SORCS2: variants seen among roughly 807,000 people sequenced by gnomAD.
SORCS2 encodes sortilin related VPS10 domain containing receptor 2.
SORCS2 carries 100 observed loss-of-function variants against 141.6 expected under a neutral mutation model. That is an observed-to-expected ratio of 0.71 (90% CI 0.60 to 0.83). The LOEUF (loss-of-function observed/expected upper bound fraction) is 0.83. Among genes scored for constraint, SORCS2 ranks in the 40% least tolerant of loss-of-function variants. SORCS2 has a pLI of 0.00. For synonymous variants in SORCS2, 789 were observed against 676.9 expected (o/e 1.17, Z -2.57); for missense variants, 1,646 against 1,560.2 (o/e 1.05, Z -0.93).
chr4:7,306,762 C>T (rs890452462), intron 1 of SORCS2, among the ~76,000 whole-genome samples: 3 of 152,100 alleles, frequency 2.0e-5, no homozygotes, highest in Admixed American at 6.5e-5. Flanking sequence ...CGTGCAGAGT[C>T]GCCTGGAGGC....
intron 1 of SORCS2, among the ~76,000 whole-genome samples, chr4:7,388,160 A>C (rs1577485130): frequency 6.7e-6 from 1 of 148,372 alleles, no homozygotes; most frequent in Non-Finnish European, 1.5e-5. Context: ...AGATGCCCCC[A>C]CACCTGAAGC....
At chr4:7,453,166 T>C (rs1728595836) in intron 2 of SORCS2, among the ~76,000 whole-genome samples, 1 of 116,472 alleles carries the variant, frequency 8.6e-6, no homozygotes, top group African/African-American at 3.4e-5. Context: ...GGTGCTGTGT[T>C]GGGGTCAGGC....
intron 4 of SORCS2, among the ~76,000 whole-genome samples, chr4:7,640,051 G>A (rs574263476): frequency 1.3e-5 from 1 of 75,322 alleles, no homozygotes; most frequent in African/African-American, 3.6e-5. Flanking sequence ...GTGTGAGAGT[G>A]TGAGTGTGTG....
At chr4:7,410,722 C>G (rs1198518858) in intron 2 of SORCS2, among the ~76,000 whole-genome samples, 1 of 152,096 alleles carries the variant, frequency 6.6e-6, no homozygotes, top group East Asian at 1.9e-4. Flanking sequence ...AGAGTCACAG[C>G]AGATAGGGAT....
chr4:7,609,405 G>A (rs911981980), intron 3 of SORCS2, among the ~76,000 whole-genome samples: 2 of 152,264 alleles, frequency 1.3e-5, no homozygotes, highest in Admixed American at 1.3e-4. Flanking sequence ...TGGCAGTCAA[G>A]GCGCCTCTAT....
At chr4:7,252,135 T>C (rs577840598) in intron 1 of SORCS2, among the ~76,000 whole-genome samples, 2 of 152,334 alleles carry the variant, frequency 1.3e-5, no homozygotes, top group East Asian at 3.9e-4. Flanking sequence ...GCCTGAGTCA[T>C]GTTGCAGAGC....
chr4:7,229,117 G>C (rs1410113017), intron 1 of SORCS2, among the ~76,000 whole-genome samples: 1 of 152,192 alleles, frequency 6.6e-6, no homozygotes, highest in East Asian at 1.9e-4. Context: ...GGGTCTGCCT[G>C]TGAGGGTGTC....
intron 2 of SORCS2, among the ~76,000 whole-genome samples, chr4:7,509,043 A>G (rs1279772931): frequency 1.3e-5 from 2 of 152,184 alleles, no homozygotes; most frequent in Non-Finnish European, 2.9e-5. Flanking sequence ...TTTCGTGGGT[A>G]ACCATTCATC....
At chr4:7,245,676 C>T (rs1050970106) in intron 1 of SORCS2, among the ~76,000 whole-genome samples, 2 of 152,144 alleles carry the variant, frequency 1.3e-5, no homozygotes, top group African/African-American at 4.8e-5. Context: ...GTTATGGTCG[C>T]CCCCAGCTCC....
chr4:7,514,780 G>A (rs996837520), intron 2 of SORCS2, among the ~76,000 whole-genome samples: 2 of 152,146 alleles, frequency 1.3e-5, no homozygotes, highest in African/African-American at 2.4e-5. Flanking sequence ...GGTCAGTCAC[G>A]TAGGCCCATG....
At chr4:7,425,538 G>T (rs1351847175) in intron 2 of SORCS2, among the ~76,000 whole-genome samples, 2 of 152,172 alleles carry the variant, frequency 1.3e-5, no homozygotes, top group African/African-American at 4.8e-5. Flanking sequence ...TGGATTAGAA[G>T]CCCGACACCT....
At chr4:7,541,859 A>C (rs1234306776) in intron 3 of SORCS2, among the ~76,000 whole-genome samples, 1 of 152,212 alleles carries the variant, frequency 6.6e-6, no homozygotes, top group Non-Finnish European at 1.5e-5. Context: ...ACCAACAGGA[A>C]AGCCGGAGTC....
rs76351807 is a variant in SORCS2, at chr4:7,548,167, A to G, written c.648+16538A>G. Among the ~76,000 whole-genome samples, 932 of 152,318 alleles carry G rather than the reference A, an allele frequency of 6.1e-3. 10 individuals carry two copies. Among genetic ancestry groups the G allele is most frequent in the African/African-American group, 0.021 (874 of 41,576 alleles). ...GAGGAAGGCCTTTGAGGGCTCCAAC[A>G]CATATTACCAACCTTGCTTTTTCAA... On this transcript the variant is annotated intron_variant, in intron 3 of 26. Coordinates refer to ENST00000507866, the MANE Select transcript of SORCS2 (RefSeq NM_020777.3).
intron 1 of SORCS2, among the ~76,000 whole-genome samples, chr4:7,199,679 C>T (rs933524708): frequency 1.3e-5 from 2 of 151,866 alleles, no homozygotes; most frequent in African/African-American, 2.4e-5. Flanking sequence ...CTGGGTGGGG[C>T]GGGCCATTCT....
At chr4:7,445,783 G>A (rs951912087) in intron 2 of SORCS2, among the ~76,000 whole-genome samples, 3 of 152,168 alleles carry the variant, frequency 2.0e-5, no homozygotes, top group African/African-American at 7.2e-5. Flanking sequence ...GCTGGGGGCT[G>A]GATACGTCGG....
At chr4:7,402,402 C>G (rs114885646) in intron 2 of SORCS2, among the ~76,000 whole-genome samples, 24 of 152,320 alleles carry the variant, frequency 1.6e-4, no homozygotes, top group Non-Finnish European at 3.1e-4. Flanking sequence ...GTATGTCTCC[C>G]TGCAATCAAT....
At chr4:7,543,414 TC>T (rs1712849628) in intron 3 of SORCS2, among the ~76,000 whole-genome samples, 1 of 24,072 alleles carries the variant, frequency 4.2e-5, no homozygotes, top group Admixed American at 7.3e-4. Context: ...CACCCATCCA[TC>T]TATCCATCCA....
chr4:7,530,879 A>G (rs1174122123), intron 2 of SORCS2, among the ~76,000 whole-genome samples: 2 of 152,182 alleles, frequency 1.3e-5, no homozygotes, highest in African/African-American at 4.8e-5. Context: ...GTCTCCCAGC[A>G]CGAGTCCAGC....
At chr4:7,601,126 T>G (rs1170059723) in intron 3 of SORCS2, among the ~76,000 whole-genome samples, 1 of 152,180 alleles carries the variant, frequency 6.6e-6, no homozygotes, top group Admixed American at 6.5e-5. Flanking sequence ...TCTTTTAGTT[T>G]TATCCTAGAA....
Sources: allele counts gnomAD v4.1 joint callset (sites outside exome capture counted in the v4.1 genomes callset), GRCh38; gene constraint gnomAD v4.1.1; transcripts MANE v1.5; gene names NCBI Gene and HGNC (gene_info 2026-07-23, HGNC 2026-07-21).